PWWP2A: variants seen among roughly 807,000 people sequenced by gnomAD.
PWWP2A encodes PWWP domain-containing protein 2A.
Under a neutral mutation model 48.5 loss-of-function variants are expected in PWWP2A, and 18 were observed. The ratio of observed to expected loss-of-function variants is 0.37; its 90% confidence interval spans 0.26 to 0.55. The LOEUF is 0.55. Among genes scored for constraint, PWWP2A ranks in the 20% least tolerant of loss-of-function variants. PWWP2A has a pLI of 0.81. For synonymous variants in PWWP2A, 396 were observed against 387.7 expected (o/e 1.02, Z -0.25); for missense variants, 867 against 976.4 (o/e 0.89, Z 1.49).
chr5:160,059,539 A>T (rs942484358), downstream of PWWP2A, among the ~76,000 whole-genome samples: 1 of 152,228 alleles, frequency 6.6e-6, no homozygotes, highest in African/African-American at 2.4e-5. Flanking sequence ...TAATTTTGTT[A>T]AAGTCTGGCT....
intron 1 of PWWP2A, among the ~76,000 whole-genome samples, chr5:160,114,924 C>T (rs967907246): frequency 6.6e-6 from 1 of 151,684 alleles, no homozygotes; most frequent in Non-Finnish European, 1.5e-5. Context: ...ATCACGAAGT[C>T]AGGAGTTCGA....
chr5:160,097,732 T>G (rs1441532209), intron 1 of PWWP2A, among the ~76,000 whole-genome samples: 1 of 151,584 alleles, frequency 6.6e-6, no homozygotes, highest in African/African-American at 2.4e-5. Flanking sequence ...TGTTTTGTTT[T>G]TTTGAGACAG....
downstream of PWWP2A, among the ~76,000 whole-genome samples, chr5:160,060,069 G>A (rs1024623415): frequency 3.9e-5 from 6 of 152,162 alleles, no homozygotes; most frequent in South Asian, 2.1e-4. Flanking sequence ...CCTTTTGCTC[G>A]GAGAAAAGCT....
chr5:160,050,532 AC>A, the PWWP2A span, among the ~76,000 whole-genome samples: 4 of 151,886 alleles, frequency 2.6e-5, no homozygotes, highest in African/African-American at 9.7e-5. Context: ...ATCCTTTCAA[AC>A]TTTTTTCTGT....
chr5:160,087,843 TCTTA>T (rs1049851681), downstream of PWWP2A, among the ~76,000 whole-genome samples: 3 of 152,354 alleles, frequency 2.0e-5, no homozygotes, highest in East Asian at 1.9e-4. Context: ...ACGTTAGGTC[TCTTA>T]CTTGAGTAAA....
At chr5:160,058,520 C>T (rs970025710), downstream of PWWP2A, among the ~76,000 whole-genome samples, 5 of 151,196 alleles carry the variant, frequency 3.3e-5, no homozygotes, top group African/African-American at 1.2e-4. Flanking sequence ...ACGCCATTCT[C>T]CTGCCTCAGC....
Position 160,119,423 on chromosome 5 carries a change from T to TGCAGCG in PWWP2A, c.-41_-36dup, listed in dbSNP as rs1361680890. On this transcript the variant is annotated 5_prime_UTR_variant, in exon 1 of 2. Coordinates refer to ENST00000307063, the MANE Select transcript of PWWP2A (RefSeq NM_001130864.2). ...AGCTTCTCCCTCCTCCAACTCCGGC[T>TGCAGCG]GCAGCGGCGGCGGCGACAGCGCTGC... The TGCAGCG allele has an allele frequency of 3.0e-6, 4 of 1,349,134 alleles. No homozygotes were observed. Among genetic ancestry groups the TGCAGCG allele is most frequent in the Non-Finnish European group, 3.8e-6 (4 of 1,056,084 alleles). 83.6% of individuals were successfully genotyped at this position (1,349,134 alleles called of 1,614,324 possible).
intron 1 of PWWP2A, among the ~76,000 whole-genome samples, chr5:160,105,194 T>C (rs1756740582): frequency 7.8e-6 from 1 of 127,726 alleles, no homozygotes; most frequent in African/African-American, 3.1e-5. Context: ...GCTATGATCA[T>C]GCCATTACAC....
rs59262456 is a variant in PWWP2A, at chr5:160,066,296, A to ATTTTT, written c.*236+247_*236+251dup. ...AGCATTATGCTAGAAAGTGGTTCTC[A>ATTTTT]TTTTTTTTTTTTTTTTTTTGAGGGG... On this transcript the variant is annotated intron_variant and NMD_transcript_variant, in intron 4 of 5. Transcript: ENST00000524050. 7.5e-4 allele frequency among the ~76,000 whole-genome samples: 71 copies of ATTTTT among 94,780 alleles called. 4 individuals are homozygous for ATTTTT. In the East Asian group the frequency reaches 0.022, roughly 30 times the overall value. The allele number at this position is 94,780 out of a possible 152,430, so 62.2% of individuals were successfully genotyped here. A position where few individuals can be genotyped will look rare whatever the true frequency, so the allele number is the denominator to read the frequency against.
At position 160,109,770 on chromosome 5, in the gene PWWP2A, AAAAAATATATATATATATAT is replaced by A. The variant is rs1320510113; in HGVS notation, c.584+9015_584+9034del. Among the ~76,000 whole-genome samples, 13 of 38,166 alleles carry A rather than the reference AAAAAATATATATATATATAT, an allele frequency of 3.4e-4. 1 individual carries two copies. Among genetic ancestry groups the A allele is most frequent in the Admixed American group, 2.8e-3 (7 of 2,480 alleles). 25.0% of individuals were successfully genotyped at this position (38,166 alleles called of 152,430 possible). On this transcript the variant is annotated intron_variant, in intron 1 of 1. Transcript: ENST00000307063. ...GGATGCAACTGGGAAAAAAAAAAAA[AAAAAATATATATATATATAT>A]ATATATATATATATATATAAAATAA...
intron 1 of PWWP2A, among the ~76,000 whole-genome samples, chr5:160,094,875 G>A (rs1223093848): frequency 1.3e-5 from 2 of 151,272 alleles, no homozygotes; most frequent in Admixed American, 6.6e-5. Context: ...GTGAAACCCC[G>A]TCTCTACTAA....
At chr5:160,106,231 T>C (rs979485076) in intron 1 of PWWP2A, among the ~76,000 whole-genome samples, 1 of 152,224 alleles carries the variant, frequency 6.6e-6, no homozygotes, top group Non-Finnish European at 1.5e-5. Context: ...CCGGAAAATT[T>C]TGTATCATTC....
downstream of PWWP2A, among the ~76,000 whole-genome samples, chr5:160,071,656 C>G (rs907819249): frequency 3.3e-5 from 5 of 152,132 alleles, no homozygotes; most frequent in African/African-American, 1.2e-4. Flanking sequence ...AGCCCTCATC[C>G]GTTTCCTCTG....
At position 160,078,337 on chromosome 5, in the gene PWWP2A, G is replaced by A. The variant is rs1351865311; in HGVS notation, c.1670-169C>T. ...TGTTGTTTTGAGAAAACAACTTACT[G>A]CCACTCTAAACCAGCAGAAATATTC... On this transcript the variant is annotated intron_variant, in intron 3 of 3. Transcript: ENST00000456329. This position sits in a 1 kb window ranked among gnomAD's most constrained non-coding sequence, Gnocchi z 4.2. Among the ~76,000 whole-genome samples, 4 of 152,116 alleles carry A rather than the reference G, an allele frequency of 2.6e-5. No individual in the cohort carries two copies. The highest frequency in any genetic ancestry group is 4.4e-5 in the Non-Finnish European group (3 of 68,028).
downstream of PWWP2A, among the ~76,000 whole-genome samples, chr5:160,088,234 T>A (rs1754793804): frequency 6.6e-6 from 1 of 152,188 alleles, no homozygotes; most frequent in Non-Finnish European, 1.5e-5. Flanking sequence ...TTTTGTTTTG[T>A]TTTGTTTTTT....
chr5:160,106,820 CTTTTTTTT>C (rs764479391), intron 1 of PWWP2A, among the ~76,000 whole-genome samples: 1 of 119,766 alleles, frequency 8.3e-6, no homozygotes, highest in African/African-American at 3.1e-5. Context: ...AACCATTAAC[CTTTTTTTT>C]TTTTTTTTTT....
chr5:160,089,099 G>A (rs913336798), downstream of PWWP2A, among the ~76,000 whole-genome samples: 9 of 152,096 alleles, frequency 5.9e-5, no homozygotes, highest in Admixed American at 3.9e-4. Context: ...ACTATTTACA[G>A]ATTTTTTTCC....
intron 2 of PWWP2A, among the ~76,000 whole-genome samples, chr5:160,083,205 C>A (rs1754368645): frequency 6.6e-6 from 1 of 152,186 alleles, no homozygotes; most frequent in Non-Finnish European, 1.5e-5. Context: ...GCATGTAATT[C>A]TTCCCAGTAT....
At chr5:160,053,790 G>A in the PWWP2A span, among the ~76,000 whole-genome samples, 2 of 152,276 alleles carry the variant, frequency 1.3e-5, no homozygotes, top group African/African-American at 4.8e-5. Context: ...GATGTGTTCA[G>A]TATTCTTTAA....
Sources: allele counts gnomAD v4.1 joint callset (sites outside exome capture counted in the v4.1 genomes callset), GRCh38; gene constraint gnomAD v4.1.1; non-coding constraint Gnocchi (gnomAD v3.1); transcripts MANE v1.5; gene names NCBI Gene and HGNC (gene_info 2026-07-23, HGNC 2026-07-21).